Variants in SLC35E4 observed in about 807,000 individuals in gnomAD.
SLC35E4 encodes solute carrier family 35 member E4.
Under a neutral mutation model 19.3 loss-of-function variants are expected in SLC35E4, and 15 were observed. The observed-to-expected ratio is 0.78, with a 90% CI of 0.52 to 1.20. SLC35E4 has a LOEUF of 1.20. SLC35E4 is among the 50% of genes most tolerant of loss of function. The pLI, the probability that SLC35E4 is intolerant of heterozygous loss-of-function variation, is 0.00. For missense variants in SLC35E4, 406 were observed against 472.3 expected (o/e 0.86, Z 1.30); for synonymous variants, 219 against 219.9 (o/e 1.00, Z 0.04).
At chr22:30,665,575 G>C, downstream of SLC35E4, 1 of 470,432 alleles carries the variant, frequency 2.1e-6, no homozygotes, top group Non-Finnish European at 4.4e-6. Flanking sequence ...TGTTTTAAGG[G>C]AAATCTCCTT....
At chr22:30,658,385 A>T (rs1037668448) in intron 2 of SLC35E4, among the ~76,000 whole-genome samples, 21 of 151,746 alleles carry the variant, frequency 1.4e-4, no homozygotes, top group African/African-American at 5.1e-4. Flanking sequence ...GAAAAAAAAA[A>T]ATTTTTTTTT....
chr22:30,664,255 C>T (rs1182662225), downstream of SLC35E4, among the ~76,000 whole-genome samples: 4 of 152,190 alleles, frequency 2.6e-5, no homozygotes, highest in Admixed American at 2.0e-4. Flanking sequence ...CCTCTCCAAA[C>T]CCACAGTCAG....
At chr22:30,643,008 C>T (rs546450052) in intron 1 of SLC35E4, among the ~76,000 whole-genome samples, 13 of 146,680 alleles carry the variant, frequency 8.9e-5, no homozygotes, top group East Asian at 2.0e-4. Flanking sequence ...CCAGCCTGGG[C>T]GACAGAGTGA....
chr22:30,640,788 T>C (rs766628668), intron 1 of SLC35E4, among the ~76,000 whole-genome samples: 1 of 151,922 alleles, frequency 6.6e-6, no homozygotes, highest in African/African-American at 2.4e-5. Context: ...AGAGTTGGAG[T>C]TGATGGAGTC....
rs143206465 is a variant in SLC35E4, at chr22:30,654,276, G to A, written c.*8+5023G>A. The A allele has an allele frequency of 3.2e-3, 1,390 of 439,528 alleles. 44 individuals are homozygous for A. The East Asian group carries it at 0.072, about 23-fold the overall frequency. The allele number at this position is 439,528 out of a possible 1,614,324, so 27.2% of individuals were successfully genotyped here. On this transcript the variant is annotated intron_variant, in intron 2 of 2. Coordinates refer to the SLC35E4 transcript ENST00000406566. ...TAGGATTACAGGCGTGAGCCACCGC[G>A]CCCGGCCATCCCATGAGCTGTTTCT...
At chr22:30,658,326 G>A (rs2088387405) in intron 2 of SLC35E4, among the ~76,000 whole-genome samples, 1 of 150,484 alleles carries the variant, frequency 6.6e-6, no homozygotes, top group Admixed American at 6.6e-5. Context: ...ATCACTTGAG[G>A]CCAGGAGTTT....
intron 1 of SLC35E4, among the ~76,000 whole-genome samples, chr22:30,641,995 G>A (rs1194162701): frequency 6.6e-6 from 1 of 152,032 alleles, no homozygotes; most frequent in Non-Finnish European, 1.5e-5. Context: ...ACAGACTTGA[G>A]CCAGGGCCTG....
At chr22:30,649,202 T>C (rs2088175489), downstream of SLC35E4, 1 of 716,936 alleles carries the variant, frequency 1.4e-6, no homozygotes, top group Non-Finnish European at 2.6e-6. Context: ...ATGATCCCTA[T>C]GGAGAGGGTT....
At chr22:30,648,547 T>A (rs2088168029), downstream of SLC35E4, among the ~76,000 whole-genome samples, 1 of 152,074 alleles carries the variant, frequency 6.6e-6, no homozygotes, top group South Asian at 2.1e-4. Context: ...ATGTCAGGGG[T>A]TCGAGACCAG....
chr22:30,637,545 C>G (rs1202415511), intron 1 of SLC35E4, among the ~76,000 whole-genome samples: 4 of 152,106 alleles, frequency 2.6e-5, no homozygotes, highest in East Asian at 3.8e-4. Context: ...TGAGCCACCC[C>G]ACCTGGTCAG....
In SLC35E4 at chr22:30,635,811, C is replaced by T. The variant is rs2087933645; in HGVS notation, c.-640C>T. On this transcript the variant is annotated 5_prime_UTR_variant, in exon 1 of 2. Coordinates refer to ENST00000343605, the MANE Select transcript of SLC35E4 (RefSeq NM_001001479.4). ...TCGCAGCAGGAGCCGCAGCCGGAGT[C>T]ACAGCCGCAGCCAGAGCCGCAGCCA... 6.4e-6 allele frequency: 1 copy of T among 155,824 alleles called. No individual in the cohort carries two copies. Among genetic ancestry groups the T allele is most frequent in the South Asian group, 1.8e-4 (1 of 5,564 alleles). 9.7% of individuals were successfully genotyped at this position (155,824 alleles called of 1,614,324 possible).
downstream of SLC35E4, chr22:30,663,395 G>A (rs58619343): frequency 6.4e-7 from 1 of 1,557,188 alleles, no homozygotes; most frequent in African/African-American, 1.4e-5. Context: ...ATCAACAATA[G>A]ATCTGTACCT....
chr22:30,663,264 A>T (rs1048687783), exon 3 of SLC35E4: 21 of 675,328 alleles, frequency 3.1e-5, no homozygotes, highest in Middle Eastern at 4.1e-4. Context: ...GTTTAATCTT[A>T]AAAAAAATGG....
chr22:30,639,377 G>A (rs369193283), intron 1 of SLC35E4, among the ~76,000 whole-genome samples: 2 of 152,128 alleles, frequency 1.3e-5, no homozygotes, highest in African/African-American at 4.8e-5. Context: ...CATAGGACCG[G>A]GGTGAAATTA....
downstream of SLC35E4, among the ~76,000 whole-genome samples, chr22:30,664,703 G>A (rs1037572882): frequency 2.0e-5 from 3 of 152,224 alleles, no homozygotes; most frequent in Non-Finnish European, 4.4e-5. Context: ...GACAGGATAT[G>A]CCCATGCGAA....
chr22:30,653,623 C>CA (rs1373796989), intron 2 of SLC35E4, among the ~76,000 whole-genome samples: 1 of 152,046 alleles, frequency 6.6e-6, no homozygotes, highest in Non-Finnish European at 1.5e-5. Flanking sequence ...CCCGCCCCCC[C>CA]TCGGCCTCCC....
At chr22:30,643,191 C>T (rs549481423) in intron 1 of SLC35E4, among the ~76,000 whole-genome samples, 47 of 152,252 alleles carry the variant, frequency 3.1e-4, no homozygotes, top group African/African-American at 1.0e-3. Context: ...GGAAGTGGGG[C>T]GCCAGCCTGC....
At chr22:30,641,931 A>AT (rs891204239) in intron 1 of SLC35E4, among the ~76,000 whole-genome samples, 14 of 152,042 alleles carry the variant, frequency 9.2e-5, no homozygotes, top group African/African-American at 3.4e-4. Context: ...GAGGGAGTTT[A>AT]GGGGGCTAGA....
Position 30,636,259 on chromosome 22 carries a change from A to G in SLC35E4, c.-192A>G, listed in dbSNP as rs1285040766. 9.7e-6 allele frequency: 8 copies of G among 826,608 alleles called. No homozygotes were observed. The highest frequency in any genetic ancestry group is 6.3e-5 in the Admixed American group (2 of 31,758). 51.2% of individuals were successfully genotyped at this position (826,608 alleles called of 1,614,324 possible). Reference sequence around the variant, plus strand: ...CGCGACCTTGGCTCTGCCCTGTCTGAGCTGGAAACACAGCTTAGCTTCTAG... The same window carrying G: ...CGCGACCTTGGCTCTGCCCTGTCTGGGCTGGAAACACAGCTTAGCTTCTAG... On this transcript the variant is annotated 5_prime_UTR_variant, in exon 1 of 2. Transcript: ENST00000343605.
Sources: allele counts gnomAD v4.1 joint callset (sites outside exome capture counted in the v4.1 genomes callset), GRCh38; gene constraint gnomAD v4.1.1; transcripts MANE v1.5; gene names NCBI Gene and HGNC (gene_info 2026-07-23, HGNC 2026-07-21).